The following CCT6A variants were observed in gnomAD, a reference collection of about 807,000 sequenced individuals.
CCT6A encodes chaperonin containing TCP1 subunit 6A, also known as T-complex protein 1 subunit zeta.
A neutral mutation model predicts 58.6 loss-of-function variants in CCT6A; 6 were observed. The ratio of observed to expected loss-of-function variants is 0.10; its 90% CI spans 0.06 to 0.20. The LOEUF is 0.20. CCT6A is among the 10% of genes least tolerant of loss of function. The pLI is 1.00. For missense variants in CCT6A, 516 were observed against 648.8 expected, an observed-to-expected ratio of 0.80 and a Z score of 2.22; for synonymous variants, 245 against 227.8, an observed-to-expected ratio of 1.08 and a Z score of -0.68.
chr7:56,062,616 C>T, intron 12 of CCT6A, 67 bp from the exon 13 acceptor site: 1 of 1,305,404 alleles, frequency 7.7e-7, no homozygotes, highest in Non-Finnish European at 1.1e-6. Flanking sequence ...CAGTGATAAG[C>T]AAAGCTGCAC....
rs1794406108 is a variant in CCT6A at position 56,060,331 on chromosome 7, C to T, written c.1128C>T (p.Ile376=). The part of the protein sequence containing the change: ...CNNPRSVTLL[I]KGPNKHTLTQ... ...ACCCTCGTTCTGTCACATTATTGATCAAAGGACCAAATAAGCACACACTCA... is the reference window on the plus strand; with the variant it reads ...ACCCTCGTTCTGTCACATTATTGATTAAAGGACCAAATAAGCACACACTCA... Residue 376 remains isoleucine, a synonymous_variant, in exon 10 of 14, where the codon ATC becomes ATT. Coordinates refer to ENST00000275603, the MANE Select transcript of CCT6A (RefSeq NM_001762.4). 6.2e-7 allele frequency: 1 copy of T among 1,613,796 alleles called. No homozygotes were observed. Among genetic ancestry groups the T allele is most frequent in the African/African-American group, 1.3e-5 (1 of 75,022 alleles).
At chr7:56,057,042 A>T (rs1794324661) in intron 5 of CCT6A, among the ~76,000 whole-genome samples, 1 of 151,988 alleles carries the variant, frequency 6.6e-6, no homozygotes, top group Admixed American at 6.6e-5. Flanking sequence ...TGATCCGCCC[A>T]CCTCGGCCTC....
At chr7:56,060,690 A>T (rs1794414964) in intron 10 of CCT6A, 117 bp from the exon 11 acceptor site, 2 of 1,305,858 alleles carry the variant, frequency 1.5e-6, no homozygotes, top group Non-Finnish European at 1.1e-6. Context: ...TATGTTAGTC[A>T]CTTGTATTTT....
intron 1 of CCT6A, 51 bp from the exon 2 acceptor site, chr7:56,052,371 T>C: frequency 2.6e-6 from 4 of 1,533,944 alleles, no homozygotes; most frequent in East Asian, 2.2e-5. Flanking sequence ...ATGGGACTTT[T>C]AGTTATCGTT....
intron 2 of CCT6A, among the ~76,000 whole-genome samples, chr7:56,052,921 G>A (rs1385047774): frequency 1.3e-5 from 2 of 151,856 alleles, no homozygotes; most frequent in African/African-American, 4.8e-5. Flanking sequence ...AGTCTCCCAA[G>A]TAGCTAGGAT....
rs1278040026 is a variant in CCT6A, at chr7:56,060,827, G to A, written c.1234G>A (p.Gly412Ser). The A allele has an allele frequency of 6.2e-7, 1 of 1,612,356 alleles. No individual in the cohort carries two copies. Among genetic ancestry groups the A allele is most frequent in the South Asian group, 1.1e-5 (1 of 90,764 alleles). ...IDDGCVVPGAGAVEVAMAEAL... is the reference protein window; with the variant it reads ...IDDGCVVPGASAVEVAMAEAL... ...AACAGGCTGTGTGGTTCCAGGTGCT[G>A]GTGCCGTGGAAGTGGCAATGGCAGA... The change falls in exon 11 of 14, where the codon GGT becomes AGT. Residue 412 changes from glycine to serine, a missense_variant. Physicochemically the swap from Gly to Ser is moderately conservative, Grantham distance 56. Around this residue, in one of 3 missense-constraint regions of CCT6A, gnomAD observed 315 missense variants for 389.4 expected, o/e 0.81. Coordinates refer to ENST00000275603, the MANE Select transcript of CCT6A (RefSeq NM_001762.4).
chr7:56,054,627 G>T, intron 3 of CCT6A, 124 bp downstream of exon 3: 1 of 887,306 alleles, frequency 1.1e-6, no homozygotes, highest in South Asian at 2.0e-5. Context: ...CTTAAATCTG[G>T]GTCTTTATCC....
intron 12 of CCT6A, chr7:56,062,478 TC>T: frequency 1.6e-6 from 1 of 611,768 alleles, no homozygotes; most frequent in Non-Finnish European, 2.9e-6. Context: ...AGAGGGGTGT[TC>T]AGGACTTCTA....
chr7:56,062,708 A>C lies in CCT6A; in HGVS notation c.1476A>C (p.Val492=). 1 of 1,614,086 alleles carries C rather than the reference A, an allele frequency of 6.2e-7. No individual in the cohort carries two copies. Among genetic ancestry groups the C allele is most frequent in the Non-Finnish European group, 8.5e-7 (1 of 1,179,966 alleles). ...GTGAGCCAATGGTGGCAGCAGAAGT[A>C]GGCGTATGGGATAACTATTGTGTAA... ...NTGEPMVAAE[V]GVWDNYCVKK... Residue 492 remains valine, a synonymous_variant, in exon 13 of 14, where the codon GTA becomes GTC. Coordinates refer to ENST00000275603, the MANE Select transcript of CCT6A (RefSeq NM_001762.4).
Position 56,052,589 on chromosome 7 carries a change from A to G in CCT6A, c.201+104A>G, listed in dbSNP as rs369168959. Reference sequence around the variant, plus strand: ...CCATTTTCAAGGTAGGAGAACATTCAGAAGTGGCGTGTAATCAGTAATAGT... The same window carrying G: ...CCATTTTCAAGGTAGGAGAACATTCGGAAGTGGCGTGTAATCAGTAATAGT... On this transcript the variant is annotated intron_variant, in intron 2 of 13. Transcript: ENST00000275603. 48 of 982,560 alleles carry G rather than the reference A, an allele frequency of 4.9e-5. 2 individuals are homozygous for G. Among genetic ancestry groups the G allele is most frequent in the African/African-American group, 4.1e-4 (26 of 62,926 alleles). 60.9% of individuals were successfully genotyped at this position (982,560 alleles called of 1,614,324 possible). A position where few individuals can be genotyped will look rare whatever the true frequency, so the allele number is the denominator to read the frequency against.
rs1179442643 is a variant in CCT6A at position 56,060,184 on chromosome 7, C to T, written c.1066-85C>T. The T allele has an allele frequency of 9.6e-6, 11 of 1,143,170 alleles. No individual in the cohort carries two copies. The East Asian group carries it at 1.9e-4, about 20-fold the overall frequency. The allele number at this position is 1,143,170 out of a possible 1,614,324, so 70.8% of individuals were successfully genotyped here. On this transcript the variant is annotated intron_variant, in intron 9 of 13. Transcript: ENST00000275603. The stretch of plus-strand genomic sequence containing the variant: ...ATCAAGTTTGTTCCTTATTAATATG[C>T]TACTTGTCATTCTCTGTAAGTCCCT...
At chr7:56,052,532 G>T in intron 2 of CCT6A, 47 bp downstream of exon 2, 1 of 1,481,294 alleles carries the variant, frequency 6.8e-7, no homozygotes, top group Non-Finnish European at 9.4e-7. Context: ...ATTTTCCGTA[G>T]AATGTTTTCT....
In CCT6A at chr7:56,058,796, G is replaced by A. The variant is rs186070854; in HGVS notation, c.968+94G>A. 10 of 749,796 alleles carry A rather than the reference G, an allele frequency of 1.3e-5. No homozygotes were observed. The East Asian group carries it at 2.5e-4, about 19-fold the overall frequency. The allele number at this position is 749,796 out of a possible 1,614,324, so 46.4% of individuals were successfully genotyped here. Reference sequence around the variant, plus strand: ...TATTTTTGGGTTTTTCAACTGTATAGTTAATTGGCATTAACTATATTCACA... The same window carrying A: ...TATTTTTGGGTTTTTCAACTGTATAATTAATTGGCATTAACTATATTCACA... On this transcript the variant is annotated intron_variant, in intron 8 of 13. Coordinates refer to ENST00000275603, the MANE Select transcript of CCT6A (RefSeq NM_001762.4).
chr7:56,062,818 C>G (rs1794495242), intron 13 of CCT6A, 63 bp downstream of exon 13: 2 of 1,397,322 alleles, frequency 1.4e-6, no homozygotes, highest in South Asian at 1.2e-5. Context: ...TTGGTGTTCT[C>G]TGTTTAGTTG....
In CCT6A at chr7:56,052,279, A is replaced by G. The variant is rs1794131160; in HGVS notation, c.138-143A>G. On this transcript the variant is annotated intron_variant, in intron 1 of 13. Coordinates refer to ENST00000275603, the MANE Select transcript of CCT6A (RefSeq NM_001762.4). ...CAATCTCTGCGGGGACGGGGTGGGC[A>G]CTACACCTGTCCTCCATCCTGCTGG... The G allele has an allele frequency of 7.9e-5, 59 of 750,340 alleles. 1 individual carries two copies. In the South Asian group the frequency reaches 9.3e-4, roughly 12 times the overall value. The allele number at this position is 750,340 out of a possible 1,614,324, so 46.5% of individuals were successfully genotyped here.
At chr7:56,059,088 C>T in intron 8 of CCT6A, 2 of 167,610 alleles carry the variant, frequency 1.2e-5, no homozygotes, top group South Asian at 3.2e-4. Flanking sequence ...ATTGCGACTA[C>T]CACTTCCTGG....
rs2117356183 is a variant in CCT6A, at chr7:56,063,311, C to T, written c.*226C>T. 1.9e-6 allele frequency: 1 copy of T among 538,654 alleles called. No homozygotes were observed. Among genetic ancestry groups the T allele is most frequent in the South Asian group, 2.3e-5 (1 of 43,664 alleles). The allele number at this position is 538,654 out of a possible 1,614,324, so 33.4% of individuals were successfully genotyped here. A position where few individuals can be genotyped will look rare whatever the true frequency, so the allele number is the denominator to read the frequency against. On this transcript the variant is annotated 3_prime_UTR_variant, in exon 14 of 14. Transcript: ENST00000275603. ...TAAAGCAGGTCTTTTATCCAGTGAACAGGATGTTTTGCTTTAGCAGCAGTG... is the reference window on the plus strand; with the variant it reads ...TAAAGCAGGTCTTTTATCCAGTGAATAGGATGTTTTGCTTTAGCAGCAGTG...
At chr7:56,061,677 T>C (rs200225616) in intron 11 of CCT6A, 70 bp from the exon 12 acceptor site, 59,423 of 324,346 alleles carry the variant, frequency 0.18, 4,568 homozygotes, top group East Asian at 0.28. Context: ...TCTTTTTTTT[T>C]TTTTTTTTTT....
intron 4 of CCT6A, among the ~76,000 whole-genome samples, chr7:56,056,034 T>G (rs191598497): frequency 6.6e-6 from 1 of 152,324 alleles, no homozygotes; most frequent in East Asian, 1.9e-4. Flanking sequence ...AGTGGAGATT[T>G]TTTTATTAGA....
Sources: gnomAD v4.1 joint callset for allele counts (sites outside exome capture counted in the v4.1 genomes callset) on GRCh38, gnomAD v4.1.1 for gene constraint, gnomAD v4.1.1 regional missense constraint, MANE v1.5 for transcripts, NCBI Gene and HGNC (gene_info 2026-07-23, HGNC 2026-07-21) for gene names.